The following STK39 variants were observed in gnomAD, a reference collection of about 807,000 sequenced individuals.
STK39 encodes STE20/SPS1-related proline-alanine-rich protein kinase.
STK39 carries 20 observed loss-of-function variants against 77.8 expected under a neutral mutation model. The ratio of observed to expected loss-of-function variants is 0.26; its 90% CI spans 0.18 to 0.37. The LOEUF is 0.37. STK39 is among the 10% of genes least tolerant of loss of function. STK39 has a pLI of 1.00. For missense variants in STK39, 479 were observed against 656.5 expected (o/e 0.73, Z 2.95); for synonymous variants, 246 against 234.1 (o/e 1.05, Z -0.47).
intron 1 of STK39, among the ~76,000 whole-genome samples, chr2:168,242,142 C>G (rs1002740427): frequency 6.6e-6 from 1 of 152,168 alleles, no homozygotes; most frequent in African/African-American, 2.4e-5. Flanking sequence ...TCTCTCCCCC[C>G]AGCCCCATGA....
chr2:168,137,430 C>G lies in STK39; in HGVS notation c.974+658G>C, dbSNP rs149148239. Among the ~76,000 whole-genome samples the G allele has an allele frequency of 3.2e-4, 49 of 152,210 alleles. No individual in the cohort carries two copies. In the East Asian group the frequency reaches 9.5e-3, roughly 29 times the overall value. On this transcript the variant is annotated intron_variant, in intron 8 of 17. Coordinates refer to ENST00000355999, the MANE Select transcript of STK39 (RefSeq NM_013233.3). The stretch of plus-strand genomic sequence containing the variant: ...GAACAGTGGGCTCCATGATCACTAA[C>G]CAGGATATTTCAAAGTCACAGAAAT...
At chr2:168,169,791 G>A (rs1432501709) in intron 2 of STK39, among the ~76,000 whole-genome samples, 3 of 152,130 alleles carry the variant, frequency 2.0e-5, no homozygotes, top group African/African-American at 7.2e-5. Flanking sequence ...GGGGATGAGG[G>A]GTCACAGATA....
rs1190871514 is a variant in STK39 at position 168,195,237 on chromosome 2, A to C, written c.209-13147T>G. ...CAAAATGAGACCCCGTCCCTACAAA[A>C]ATTTTTTTAAAAATTAGCCAGGCAT... On this transcript the variant is annotated intron_variant, in intron 1 of 17. Transcript: ENST00000355999. 2.6e-5 allele frequency among the ~76,000 whole-genome samples: 4 copies of C among 152,130 alleles called. No homozygotes were observed. The South Asian group carries it at 6.2e-4, about 24-fold the overall frequency.
rs532666302 is a variant in STK39, at chr2:167,968,950, T to C, written c.1499-4224A>G. Among the ~76,000 whole-genome samples the C allele has an allele frequency of 9.0e-4, 137 of 152,338 alleles. 1 individual carries two copies. Among genetic ancestry groups the C allele is most frequent in the Non-Finnish European group, 1.7e-3 (114 of 68,016 alleles). On this transcript the variant is annotated intron_variant, in intron 16 of 17. Transcript: ENST00000355999. ...AGGCTCTTATCTTCATGGGATGCAC[T>C]GTAGCACAGTGTATAAGAACCTGAA...
intron 1 of STK39, among the ~76,000 whole-genome samples, chr2:168,244,190 A>G (rs1177012066): frequency 1.3e-5 from 2 of 152,222 alleles, no homozygotes; most frequent in East Asian, 3.8e-4. Flanking sequence ...TGACGTTTTA[A>G]AACACAAGAA....
At chr2:168,210,520 G>GTTGTT (rs539749544) in intron 1 of STK39, among the ~76,000 whole-genome samples, 2 of 151,990 alleles carry the variant, frequency 1.3e-5, no homozygotes, top group African/African-American at 2.4e-5. Context: ...ATCAAACTTT[G>GTTGTT]TTGTTTTGTT....
At chr2:168,170,842 T>C (rs941822706) in intron 2 of STK39, among the ~76,000 whole-genome samples, 9 of 152,120 alleles carry the variant, frequency 5.9e-5, no homozygotes, top group Admixed American at 4.6e-4. Context: ...AGGGAGACTG[T>C]TGTACTAAAG....
intron 14 of STK39, among the ~76,000 whole-genome samples, chr2:168,058,894 CA>C (rs1269879831): frequency 6.6e-6 from 1 of 152,174 alleles, no homozygotes; most frequent in African/African-American, 2.4e-5. Context: ...TTATTCAGAT[CA>C]TATCACTCTT....
At chr2:168,113,751 G>C (rs1687181972) in intron 10 of STK39, among the ~76,000 whole-genome samples, 1 of 152,176 alleles carries the variant, frequency 6.6e-6, no homozygotes, top group Non-Finnish European at 1.5e-5. Flanking sequence ...CAGACCTGTA[G>C]AATGTGAATG....
intron 8 of STK39, among the ~76,000 whole-genome samples, chr2:168,131,253 T>C (rs1687689071): frequency 6.6e-6 from 1 of 152,248 alleles, no homozygotes; most frequent in South Asian, 2.1e-4. Flanking sequence ...CACTACTTTT[T>C]CATCTTTTCC....
At chr2:168,069,790 G>A (rs1685892361) in intron 12 of STK39, among the ~76,000 whole-genome samples, 1 of 152,156 alleles carries the variant, frequency 6.6e-6, no homozygotes, top group Non-Finnish European at 1.5e-5. Flanking sequence ...TGTGGGTTGA[G>A]TCTAGACACT....
intron 14 of STK39, among the ~76,000 whole-genome samples, chr2:168,023,980 C>G (rs964417227): frequency 2.0e-5 from 3 of 152,146 alleles, no homozygotes; most frequent in African/African-American, 7.2e-5. Flanking sequence ...CTGTTAGTGT[C>G]CAGGGAATTT....
intron 10 of STK39, among the ~76,000 whole-genome samples, chr2:168,110,996 T>C (rs1687107419): frequency 6.6e-6 from 1 of 152,162 alleles, no homozygotes; most frequent in Non-Finnish European, 1.5e-5. Context: ...TACCTTTTGT[T>C]AGATTTATTT....
intron 17 of STK39, among the ~76,000 whole-genome samples, chr2:167,956,680 A>ACACACACACT (rs1691777721): frequency 2.4e-5 from 1 of 41,998 alleles, no homozygotes; most frequent in Non-Finnish European, 5.1e-5. Flanking sequence ...ACACACACAC[A>ACACACACACT]CACACACACA....
intron 10 of STK39, among the ~76,000 whole-genome samples, chr2:168,128,298 G>A (rs1044539322): frequency 6.6e-6 from 1 of 152,096 alleles, no homozygotes; most frequent in African/African-American, 2.4e-5. Flanking sequence ...AAGACCCCAC[G>A]CCAGACTCCA....
At position 168,135,253 on chromosome 2, in the gene STK39, GA is replaced by G. The variant is rs1333236763; in HGVS notation, c.974+2834del. 3.8e-3 allele frequency among the ~76,000 whole-genome samples: 541 copies of G among 141,520 alleles called. 2 individuals are homozygous for G. The highest frequency in any genetic ancestry group is 0.011 in the African/African-American group (426 of 38,644). 92.8% of individuals were successfully genotyped at this position (141,520 alleles called of 152,430 possible). A position where few individuals can be genotyped will look rare whatever the true frequency, so the allele number is the denominator to read the frequency against. On this transcript the variant is annotated intron_variant, in intron 8 of 17. Transcript: ENST00000355999. ...AAGTTTCAACAACTCCACTTGGTCA[GA>G]AAAAAAAAAAAGGCAAATAACGAAT...
intron 5 of STK39, 99 bp from the exon 6 acceptor site, chr2:168,140,857 G>A (rs1428773891): frequency 1.0e-6 from 1 of 955,160 alleles, no homozygotes; most frequent in Non-Finnish European, 1.5e-6. Context: ...GCTTTACAGT[G>A]GTGATGAACT....
intron 16 of STK39, among the ~76,000 whole-genome samples, chr2:168,001,956 G>C (rs1684013145): frequency 1.3e-5 from 2 of 152,204 alleles, no homozygotes; most frequent in Admixed American, 1.3e-4. Flanking sequence ...CTTAAGTAGG[G>C]ACTGATCAGA....
At position 168,065,350 on chromosome 2, in the gene STK39, TG is replaced by T; in HGVS notation, c.1273del (p.Gln425LysfsTer28). ...IAVSASTIPEQIQSLSVHDSQ... is the reference protein window; with the variant it reads ...IAVSASTIPEXIQSLSVHDSQ... The stretch of plus-strand genomic sequence containing the variant: ...GTCGTGCACAGAGAGGGACTGTATT[TG>T]TTCGGGGATGGTGCTGGCACTCACT... On this transcript the variant is annotated frameshift_variant, in exon 13 of 18. Coordinates refer to ENST00000355999, the MANE Select transcript of STK39 (RefSeq NM_013233.3). LOFTEE classifies it high-confidence loss of function. The T allele has an allele frequency of 6.2e-7, 1 of 1,614,064 alleles. No individual in the cohort carries two copies. Among genetic ancestry groups the T allele is most frequent in the Non-Finnish European group, 8.5e-7 (1 of 1,179,948 alleles).
Sources: gnomAD v4.1 joint callset for allele counts (sites outside exome capture counted in the v4.1 genomes callset) on GRCh38, gnomAD v4.1.1 for gene constraint, MANE v1.5 for transcripts, NCBI Gene and HGNC (gene_info 2026-07-23, HGNC 2026-07-21) for gene names.